Variants in IQCM observed in about 807,000 individuals in gnomAD.
The protein encoded by IQCM is IQ motif containing M.
Under a neutral mutation model 57.6 loss-of-function variants are expected in IQCM, and 45 were observed. That is an observed-to-expected ratio of 0.78 (90% CI 0.62 to 1.00). The LOEUF (loss-of-function observed/expected upper bound fraction) is 1.00. Among genes scored for constraint, IQCM ranks in the 50% least tolerant of loss-of-function variants. The probability of loss-of-function intolerance (pLI) is 0.00; values close to 1 mark genes in which losing one functional copy is unlikely to be tolerated. For synonymous variants in IQCM, 148 were observed against 158.9 expected (o/e 0.93, Z 0.51); for missense variants, 468 against 511.6 (o/e 0.91, Z 0.82).
chr4:149,429,146 G>T (rs1480274843), intron 13 of IQCM, among the ~76,000 whole-genome samples: 1 of 151,804 alleles, frequency 6.6e-6, no homozygotes, highest in African/African-American at 2.4e-5. Flanking sequence ...CAGCTTCAAG[G>T]TTAAAAATTT....
chr4:149,598,403 A>G (rs1388104056), intron 8 of IQCM, among the ~76,000 whole-genome samples: 2 of 152,182 alleles, frequency 1.3e-5, no homozygotes, highest in Non-Finnish European at 2.9e-5. Context: ...ATTAAAAAAT[A>G]AAAACAAAAA....
At chr4:149,763,858 T>A (rs1769774445) in intron 2 of IQCM, among the ~76,000 whole-genome samples, 1 of 152,006 alleles carries the variant, frequency 6.6e-6, no homozygotes, top group African/African-American at 2.4e-5. Context: ...CTTTTTTTTT[T>A]AATCTGCAGG....
intron 7 of IQCM, among the ~76,000 whole-genome samples, chr4:149,674,346 G>A (rs916725242): frequency 1.1e-4 from 16 of 152,220 alleles, no homozygotes; most frequent in Admixed American, 1.0e-3. Context: ...CCCTTTTTAT[G>A]TGCCAGACAT....
At chr4:149,779,485 G>A (rs574460083) in intron 2 of IQCM, among the ~76,000 whole-genome samples, 4 of 152,158 alleles carry the variant, frequency 2.6e-5, no homozygotes, top group African/African-American at 9.6e-5. Context: ...TTTTGACAAA[G>A]AAGCAAAATT....
intron 12 of IQCM, among the ~76,000 whole-genome samples, chr4:149,481,114 T>TC (rs1359257429): frequency 6.6e-6 from 1 of 152,192 alleles, no homozygotes; most frequent in Non-Finnish European, 1.5e-5. Flanking sequence ...TTAGATTTTT[T>TC]CCTAGACAGT....
chr4:149,376,520 A>C (rs1041188739), intron 13 of IQCM, among the ~76,000 whole-genome samples: 1 of 152,120 alleles, frequency 6.6e-6, no homozygotes, highest in Non-Finnish European at 1.5e-5. Flanking sequence ...TAGCTTTCTC[A>C]ATAAACAATA....
intron 7 of IQCM, among the ~76,000 whole-genome samples, chr4:149,640,144 T>C (rs1561092640): frequency 6.6e-6 from 1 of 152,194 alleles, no homozygotes; most frequent in East Asian, 1.9e-4. Flanking sequence ...AGAAAATTGT[T>C]TTAATTTAAA....
chr4:149,572,591 A>T (rs1272101116), intron 9 of IQCM, among the ~76,000 whole-genome samples: 2 of 152,016 alleles, frequency 1.3e-5, no homozygotes, highest in East Asian at 3.9e-4. Flanking sequence ...CCCATATTTC[A>T]TCTGCATTAT....
chr4:149,584,503 TATATTTAAGAACTCCC>T (rs1752483967), intron 9 of IQCM, among the ~76,000 whole-genome samples: 1 of 151,688 alleles, frequency 6.6e-6, no homozygotes, highest in South Asian at 2.1e-4. Flanking sequence ...AATACATAAA[TATATTTAAGAACTCCC>T]AAATTAAATC....
At chr4:149,617,147 G>C (rs1251457551) in intron 8 of IQCM, among the ~76,000 whole-genome samples, 1 of 151,794 alleles carries the variant, frequency 6.6e-6, no homozygotes, top group Non-Finnish European at 1.5e-5. Context: ...TAGAGACAGG[G>C]TTTCTCCATG....
At chr4:149,486,935 C>A (rs961041484) in intron 12 of IQCM, among the ~76,000 whole-genome samples, 1 of 152,102 alleles carries the variant, frequency 6.6e-6, no homozygotes, top group East Asian at 1.9e-4. Context: ...CCTACTGTGG[C>A]CAAGCTGGCA....
chr4:149,739,101 C>T (rs992349993), intron 3 of IQCM, among the ~76,000 whole-genome samples: 3 of 152,002 alleles, frequency 2.0e-5, no homozygotes, highest in African/African-American at 7.3e-5. Flanking sequence ...TATTATTTTG[C>T]GGAAGTTGCC....
chr4:149,511,944 AAT>A (rs1744468605), intron 12 of IQCM, among the ~76,000 whole-genome samples: 1 of 152,190 alleles, frequency 6.6e-6, no homozygotes, highest in Non-Finnish European at 1.5e-5. Flanking sequence ...TTATTCAATC[AAT>A]ATTTATTGTA....
intron 5 of IQCM, among the ~76,000 whole-genome samples, chr4:149,697,872 A>G (rs1763455508): frequency 6.6e-6 from 1 of 152,132 alleles, no homozygotes; most frequent in South Asian, 2.1e-4. Flanking sequence ...TATTGCATAA[A>G]TGAATTTCCC....
At chr4:149,812,091 A>C (rs1774616230) in intron 2 of IQCM, among the ~76,000 whole-genome samples, 2 of 152,304 alleles carry the variant, frequency 1.3e-5, no homozygotes, top group Middle Eastern at 3.4e-3. Flanking sequence ...CAGTTTTATA[A>C]GTGAGCAGCA....
intron 5 of IQCM, among the ~76,000 whole-genome samples, chr4:149,725,385 G>T (rs913557764): frequency 2.0e-5 from 3 of 152,170 alleles, no homozygotes; most frequent in African/African-American, 7.2e-5. Context: ...TTGGGAATAT[G>T]CTTTAAAAAT....
intron 5 of IQCM, among the ~76,000 whole-genome samples, chr4:149,715,521 G>A (rs964575101): frequency 6.6e-6 from 1 of 152,176 alleles, no homozygotes; most frequent in Non-Finnish European, 1.5e-5. Flanking sequence ...GCTCCCTGAA[G>A]GACCGCTGCT....
intron 7 of IQCM, among the ~76,000 whole-genome samples, chr4:149,655,448 A>T (rs1372161865): frequency 6.6e-6 from 1 of 152,168 alleles, no homozygotes; most frequent in African/African-American, 2.4e-5. Flanking sequence ...TTGATACATT[A>T]AAAGTATTTT....
intron 13 of IQCM, among the ~76,000 whole-genome samples, chr4:149,404,051 C>A (rs1230025727): frequency 6.6e-6 from 1 of 151,898 alleles, no homozygotes; most frequent in East Asian, 1.9e-4. Flanking sequence ...GCTAGGCACC[C>A]TGTCAAGCAA....
Sources: allele counts gnomAD v4.1 joint callset (sites outside exome capture counted in the v4.1 genomes callset), GRCh38; gene constraint gnomAD v4.1.1; transcripts MANE v1.5; gene names NCBI Gene and HGNC (gene_info 2026-07-23, HGNC 2026-07-21).